Variants in TENM4 observed in about 807,000 individuals in gnomAD.
TENM4 encodes teneurin transmembrane protein 4.
In TENM4, 82 loss-of-function variants were observed where a neutral mutation model predicts 243.3. That is an observed-to-expected ratio of 0.34 (90% CI 0.28 to 0.40). TENM4 has a LOEUF of 0.40. TENM4 is among the 10% of genes least tolerant of loss of function. TENM4 has a pLI of 1.00. For missense variants in TENM4, 3,138 were observed against 3,673.3 expected, an observed-to-expected ratio of 0.85 and a Z score of 3.77; for synonymous variants, 1,412 against 1,456.3, an observed-to-expected ratio of 0.97 and a Z score of 0.69.
At chr11:79,089,235 A>T (rs1488193579) in intron 4 of TENM4, among the ~76,000 whole-genome samples, 2 of 152,160 alleles carry the variant, frequency 1.3e-5, no homozygotes, top group Non-Finnish European at 2.9e-5. Context: ...CACAAAGGGG[A>T]TTAGCCCCCA....
At chr11:79,142,201 G>A (rs1357118321) in intron 4 of TENM4, among the ~76,000 whole-genome samples, 1 of 152,048 alleles carries the variant, frequency 6.6e-6, no homozygotes, top group African/African-American at 2.4e-5. Flanking sequence ...ATCCTTGTTT[G>A]CAGATGATGT....
At chr11:79,197,354 A>C (rs78238291) in intron 3 of TENM4, among the ~76,000 whole-genome samples, 6 of 60,732 alleles carry the variant, frequency 9.9e-5, no homozygotes, top group African/African-American at 3.7e-4. Flanking sequence ...TTTTTTTTTT[A>C]AAAAGCCCCT....
chr11:78,804,075 CA>C lies in TENM4; in HGVS notation c.2179+1216del, dbSNP rs201030723. On this transcript the variant is annotated intron_variant, in intron 15 of 33. Coordinates refer to ENST00000278550, the MANE Select transcript of TENM4 (RefSeq NM_001098816.3). Reference sequence around the variant, plus strand: ...CTCAGCCATCTTTCTTGGTCACAACCAGAACTGTTAATACACAACATAATGA... The same window carrying C: ...CTCAGCCATCTTTCTTGGTCACAACCGAACTGTTAATACACAACATAATGA... 6.6e-3 allele frequency among the ~76,000 whole-genome samples: 1,011 copies of C among 152,316 alleles called. 9 individuals carry two copies. Among genetic ancestry groups the C allele is most frequent in the Admixed American group, 0.014 (215 of 15,302 alleles).
chr11:78,729,723 T>C (rs1855606523), intron 21 of TENM4, 80 bp from the exon 22 acceptor site: 10 of 1,504,412 alleles, frequency 6.6e-6, no homozygotes, highest in Admixed American at 2.1e-5. Context: ...CCCCATGGAC[T>C]CTGGGTGTTC....
chr11:79,376,235 A>G (rs1197860802), intron 1 of TENM4, among the ~76,000 whole-genome samples: 1 of 152,232 alleles, frequency 6.6e-6, no homozygotes, highest in Non-Finnish European at 1.5e-5. Context: ...GGTTTCACCT[A>G]TGTGGATGGA....
intron 19 of TENM4, among the ~76,000 whole-genome samples, chr11:78,743,869 G>C (rs1855986849): frequency 6.6e-6 from 1 of 152,154 alleles, no homozygotes; most frequent in African/African-American, 2.4e-5. Context: ...AGCTACTTTG[G>C]TATTCAGGAG....
chr11:78,795,694 C>T (rs958785170), intron 15 of TENM4, among the ~76,000 whole-genome samples: 5 of 152,090 alleles, frequency 3.3e-5, no homozygotes, highest in African/African-American at 1.2e-4. Context: ...ACACAGTAGG[C>T]TAATTAAAAG....
chr11:78,793,062 T>G (rs1371245700), intron 15 of TENM4, among the ~76,000 whole-genome samples: 1 of 152,208 alleles, frequency 6.6e-6, no homozygotes, highest in African/African-American at 2.4e-5. Context: ...TCATTAGATG[T>G]TAATCCCCGT....
At chr11:79,409,200 G>GA (rs201108563) in intron 1 of TENM4, among the ~76,000 whole-genome samples, 365 of 130,586 alleles carry the variant, frequency 2.8e-3, no homozygotes, top group African/African-American at 4.2e-3. Flanking sequence ...TTCTCTTCCA[G>GA]AAAAAAAAAA....
At chr11:78,787,162 G>A (rs1856957999) in intron 15 of TENM4, 79 bp from the exon 16 acceptor site, 2 of 1,430,038 alleles carry the variant, frequency 1.4e-6, no homozygotes, top group African/African-American at 1.4e-5. Flanking sequence ...GGAGAGAGGA[G>A]AGAGAAAAAC....
chr11:79,173,376 T>A (rs558188133), intron 3 of TENM4, among the ~76,000 whole-genome samples: 11 of 152,226 alleles, frequency 7.2e-5, no homozygotes, highest in African/African-American at 2.6e-4. Context: ...ATATGGTTAT[T>A]CTCGGTTGAG....
At chr11:78,705,081 G>C (rs1565341120) in intron 27 of TENM4, among the ~76,000 whole-genome samples, 1 of 152,230 alleles carries the variant, frequency 6.6e-6, no homozygotes, top group Non-Finnish European at 1.5e-5. Context: ...GCTTTTGGCT[G>C]CATCAGGAAC....
At chr11:78,974,962 G>A (rs529640929) in intron 6 of TENM4, among the ~76,000 whole-genome samples, 8 of 151,976 alleles carry the variant, frequency 5.3e-5, no homozygotes, top group African/African-American at 1.9e-4. Flanking sequence ...TGGGATTACA[G>A]TGGTGAGCAA....
At chr11:78,929,855 G>A (rs765829456) in intron 6 of TENM4, among the ~76,000 whole-genome samples, 2 of 152,144 alleles carry the variant, frequency 1.3e-5, no homozygotes, top group African/African-American at 4.8e-5. Flanking sequence ...TCTGCTGGGA[G>A]CCTATTTTAC....
At chr11:79,046,100 T>G (rs966209290) in intron 6 of TENM4, among the ~76,000 whole-genome samples, 1 of 152,220 alleles carries the variant, frequency 6.6e-6, no homozygotes. Flanking sequence ...GGTACACACA[T>G]GGTCTCAGGC....
At chr11:78,708,245 G>A in intron 27 of TENM4, 116 bp downstream of exon 27, 1 of 1,371,348 alleles carries the variant, frequency 7.3e-7, no homozygotes, top group Non-Finnish European at 1.0e-6. Context: ...CTGGCACCAA[G>A]TAGGTGCTCT....
chr11:79,096,902 G>T (rs1861090991), intron 4 of TENM4: 1 of 150,100 alleles, frequency 6.7e-6, no homozygotes, highest in South Asian at 2.1e-4. Flanking sequence ...CCTTGCGTGG[G>T]CATGCACGCA....
intron 6 of TENM4, among the ~76,000 whole-genome samples, chr11:78,939,171 C>T (rs1426323719): frequency 5.9e-5 from 9 of 152,188 alleles, no homozygotes; most frequent in Admixed American, 1.3e-4. Flanking sequence ...TCAGCTGGAA[C>T]GGAGATGAAT....
chr11:79,229,499 A>T (rs1448861897), intron 2 of TENM4, among the ~76,000 whole-genome samples: 2 of 152,162 alleles, frequency 1.3e-5, no homozygotes, highest in Non-Finnish European at 2.9e-5. Flanking sequence ...AACTCCCCTC[A>T]GAAGTCAGAG....
Sources: gnomAD v4.1 joint callset for allele counts (sites outside exome capture counted in the v4.1 genomes callset) on GRCh38, gnomAD v4.1.1 for gene constraint, MANE v1.5 for transcripts, NCBI Gene and HGNC (gene_info 2026-07-23, HGNC 2026-07-21) for gene names.